The following GPC5 variants were observed in gnomAD, a reference collection of about 807,000 sequenced individuals.
GPC5 encodes the protein glypican 5.
Under a neutral mutation model 53.9 loss-of-function variants are expected in GPC5, and 47 were observed. That is an observed-to-expected ratio of 0.87 (90% CI 0.69 to 1.11). The LOEUF (loss-of-function observed/expected upper bound fraction) is 1.11, where lower values mean the gene tolerates loss of function less well. Among genes scored for constraint, GPC5 ranks in the 50% most tolerant of loss-of-function variants. The pLI is 0.00. For synonymous variants in GPC5, 286 were observed against 263.3 expected, an observed-to-expected ratio of 1.09 and a Z score of -0.84; for missense variants, 748 against 713.1, an observed-to-expected ratio of 1.05 and a Z score of -0.56.
At position 92,381,788 on chromosome 13, in the gene GPC5, G is replaced by GAT. The variant is rs774928643; in HGVS notation, c.1561+236807_1561+236808dup. ...ATCAATGAGTGGATAAATAAACTGT[G>GAT]ATATATATAGATACATAGATATTAT... is the stretch of plus-strand genomic sequence containing the variant. On this transcript the variant is annotated intron_variant, in intron 7 of 7. Transcript: ENST00000377067. Among the ~76,000 whole-genome samples, 12 of 95,240 alleles carry GAT rather than the reference G, an allele frequency of 1.3e-4. No homozygotes were observed. The East Asian group carries it at 3.8e-3, about 30-fold the overall frequency. The allele number at this position is 95,240 out of a possible 152,430, so 62.5% of individuals were successfully genotyped here.
chr13:91,908,106 G>A (rs758975757), intron 6 of GPC5, 49 bp downstream of exon 6: 2 of 1,335,686 alleles, frequency 1.5e-6, no homozygotes, highest in Admixed American at 2.7e-5. Context: ...TAAATAATAA[G>A]TGGTTACTTT....
At chr13:91,511,675 G>A (rs1885234854) in intron 2 of GPC5, among the ~76,000 whole-genome samples, 1 of 151,476 alleles carries the variant, frequency 6.6e-6, no homozygotes, top group South Asian at 2.1e-4. Context: ...CTTCATTTCT[G>A]ATCACATATT....
At chr13:92,125,924 GTTTTTTTTTTTTTTTTTTTTTTTTTTTTT>G (rs1190169532) in intron 6 of GPC5, among the ~76,000 whole-genome samples, 30 of 75,872 alleles carry the variant, frequency 4.0e-4, no homozygotes, top group African/African-American at 1.3e-3. Context: ...TTGTTTTTTG[GTTTTTTTTTTTTTTTTTTTTTTTTTTTTT>G]TTTTTTTTTT....
chr13:92,698,578 G>A (rs769897618), intron 7 of GPC5, among the ~76,000 whole-genome samples: 5 of 152,008 alleles, frequency 3.3e-5, no homozygotes, highest in East Asian at 1.9e-4. Flanking sequence ...TTGAACATTC[G>A]GGTTGGTTCC....
chr13:92,293,165 C>T (rs1344069015), intron 7 of GPC5, among the ~76,000 whole-genome samples: 1 of 151,752 alleles, frequency 6.6e-6, no homozygotes, highest in Non-Finnish European at 1.5e-5. Context: ...TCTTCAGTTC[C>T]ATATGAATTT....
At position 91,817,055 on chromosome 13, in the gene GPC5, A is replaced by G. The variant is rs2038411015; in HGVS notation, c.1280+60635A>G. Among the ~76,000 whole-genome samples, 3 of 152,260 alleles carry G rather than the reference A, an allele frequency of 2.0e-5. No individual in the cohort carries two copies. The South Asian group carries it at 6.2e-4, about 32-fold the overall frequency. ...TTATTACAGCTTAGGAAGTAATTTA[A>G]ATTATTCTTTCTGTGTTAATTCTGA... On this transcript the variant is annotated intron_variant, in intron 5 of 7. Transcript: ENST00000377067.
chr13:91,744,591 G>A lies in GPC5; in HGVS notation c.1155-11704G>A, dbSNP rs548333052. On this transcript the variant is annotated intron_variant, in intron 4 of 7. Transcript: ENST00000377067. ...TGGAGGTAAACAGGAATATCTGATT[G>A]TAATTGCAAAATGCAAAAGATAAAA... Among the ~76,000 whole-genome samples, 52 of 152,250 alleles carry A rather than the reference G, an allele frequency of 3.4e-4. No individual in the cohort carries two copies. In the South Asian group the frequency reaches 5.2e-3, roughly 15 times the overall value.
rs1417827124 is a variant in GPC5, at chr13:92,757,924, C to T, written c.1562-108358C>T. On this transcript the variant is annotated intron_variant, in intron 7 of 7. Transcript: ENST00000377067. ...TCAACCATTGTGGAAGTCAGTGTGG[C>T]GATTCCTCAGGGATCTAGAACTGGA... 5.3e-5 allele frequency among the ~76,000 whole-genome samples: 8 copies of T among 151,324 alleles called. No homozygotes were observed. The South Asian group carries it at 8.4e-4, about 16-fold the overall frequency.
chr13:92,017,813 TAC>T (rs1445358456), intron 6 of GPC5, among the ~76,000 whole-genome samples: 1 of 148,284 alleles, frequency 6.7e-6, no homozygotes, highest in Non-Finnish European at 1.5e-5. Context: ...CACGCATGAG[TAC>T]ACACACGCAT....
At chr13:91,762,964 A>G (rs750252407) in intron 5 of GPC5, among the ~76,000 whole-genome samples, 3 of 152,164 alleles carry the variant, frequency 2.0e-5, no homozygotes, top group Non-Finnish European at 4.4e-5. Flanking sequence ...TATGTCACAC[A>G]TCTTCTTTAT....
At chr13:92,762,597 A>C (rs748598589) in intron 7 of GPC5, among the ~76,000 whole-genome samples, 1 of 152,108 alleles carries the variant, frequency 6.6e-6, no homozygotes, top group East Asian at 1.9e-4. Flanking sequence ...AGCCCCATGT[A>C]TCTGGATGTC....
At chr13:92,788,979 G>T (rs1373350246) in intron 7 of GPC5, among the ~76,000 whole-genome samples, 1 of 152,050 alleles carries the variant, frequency 6.6e-6, no homozygotes, top group African/African-American at 2.4e-5. Flanking sequence ...TTTCAATATT[G>T]GGTAGGAAAA....
intron 5 of GPC5, among the ~76,000 whole-genome samples, chr13:91,770,481 A>G (rs776672578): frequency 1.3e-5 from 2 of 152,144 alleles, no homozygotes; most frequent in Non-Finnish European, 2.9e-5. Context: ...CCAAGAGGCC[A>G]TCAGAAATTA....
chr13:92,018,334 T>C (rs1462278522), intron 6 of GPC5, among the ~76,000 whole-genome samples: 1 of 152,174 alleles, frequency 6.6e-6, no homozygotes, highest in Non-Finnish European at 1.5e-5. Flanking sequence ...AGGTTTCACC[T>C]AAAAAGTTTA....
chr13:91,942,029 A>C (rs554686894), intron 6 of GPC5, among the ~76,000 whole-genome samples: 1 of 152,234 alleles, frequency 6.6e-6, no homozygotes, highest in South Asian at 2.1e-4. Flanking sequence ...TAACATATCC[A>C]TCAACTCTAT....
chr13:91,600,215 C>T (rs1230660185), intron 2 of GPC5, among the ~76,000 whole-genome samples: 3 of 151,934 alleles, frequency 2.0e-5, no homozygotes, highest in South Asian at 4.2e-4. Flanking sequence ...GCCACAGCAC[C>T]CAGCCTACTT....
At chr13:91,680,307 G>A (rs1240510501) in intron 2 of GPC5, among the ~76,000 whole-genome samples, 1 of 152,166 alleles carries the variant, frequency 6.6e-6, no homozygotes, top group East Asian at 1.9e-4. Context: ...AAATTAGCCA[G>A]GCATGGTGGC....
At chr13:92,304,502 C>T (rs2043097859) in intron 7 of GPC5, among the ~76,000 whole-genome samples, 2 of 152,130 alleles carry the variant, frequency 1.3e-5, no homozygotes, top group African/African-American at 2.4e-5. Flanking sequence ...CTGCACTCCA[C>T]CCTCATTTAC....
intron 2 of GPC5, among the ~76,000 whole-genome samples, chr13:91,640,641 G>T (rs1458439530): frequency 1.3e-5 from 2 of 152,040 alleles, no homozygotes; most frequent in Non-Finnish European, 2.9e-5. Context: ...TATACCTAAA[G>T]GAATATAAAT....
Sources: allele counts gnomAD v4.1 joint callset (sites outside exome capture counted in the v4.1 genomes callset), GRCh38; gene constraint gnomAD v4.1.1; transcripts MANE v1.5; gene names NCBI Gene and HGNC (gene_info 2026-07-23, HGNC 2026-07-21).